MARCHF2: variants seen among roughly 807,000 people sequenced by gnomAD.
MARCHF2 encodes membrane associated ring-CH-type finger 2, also known as E3 ubiquitin-protein ligase MARCHF2.
MARCHF2 carries 22 observed loss-of-function variants against 24.0 expected under a neutral mutation model. The observed-to-expected ratio is 0.92, with a 90% CI of 0.66 to 1.31. MARCHF2 has a LOEUF of 1.31. Among genes scored for constraint, MARCHF2 ranks in the 50% most tolerant of loss-of-function variants. MARCHF2 has a pLI of 0.00. For synonymous variants in MARCHF2, 154 were observed against 153.0 expected (o/e 1.01, Z -0.05); for missense variants, 301 against 335.3 (o/e 0.90, Z 0.80).
At position 8,426,363 on chromosome 19, in the gene MARCHF2, T is replaced by A. The variant is rs950779259; in HGVS notation, c.177-246T>A. 2.0e-5 allele frequency among the ~76,000 whole-genome samples: 3 copies of A among 148,966 alleles called. No individual in the cohort carries two copies. In the East Asian group the frequency reaches 6.0e-4, roughly 30 times the overall value. On this transcript the variant is annotated intron_variant, in intron 2 of 4. Coordinates refer to ENST00000215555, the MANE Select transcript of MARCHF2 (RefSeq NM_001005415.2). Reference sequence around the variant, plus strand: ...GATGCCCATCTTGGGTCTGAGAGGGTGCTGCAGGGTCCCTGGGAAGGGAAC... The same window carrying A: ...GATGCCCATCTTGGGTCTGAGAGGGAGCTGCAGGGTCCCTGGGAAGGGAAC...
chr19:8,435,778 C>A (rs1274146715), intron 4 of MARCHF2, among the ~76,000 whole-genome samples: 5 of 151,298 alleles, frequency 3.3e-5, no homozygotes, highest in Non-Finnish European at 7.4e-5. Flanking sequence ...GGGCTCAAAC[C>A]TTGGCTTCCC....
intron 1 of MARCHF2, among the ~76,000 whole-genome samples, chr19:8,414,391 G>C (rs1318618169): frequency 6.6e-6 from 1 of 151,648 alleles, no homozygotes; most frequent in African/African-American, 2.4e-5. Flanking sequence ...CCTCACCCTG[G>C]TCAAGTAGTT....
chr19:8,434,694 C>A (rs1967667741), intron 4 of MARCHF2, among the ~76,000 whole-genome samples: 2 of 148,640 alleles, frequency 1.3e-5, no homozygotes, highest in South Asian at 4.3e-4. Flanking sequence ...AGGATGTGAA[C>A]CACTGACCTT....
chr19:8,435,626 C>A (rs972203987), intron 4 of MARCHF2, among the ~76,000 whole-genome samples: 1 of 152,044 alleles, frequency 6.6e-6, no homozygotes, highest in Non-Finnish European at 1.5e-5. Flanking sequence ...GCAACCTCTA[C>A]CTCCTGGGCT....
chr19:8,434,926 G>A (rs1056199679), intron 4 of MARCHF2, among the ~76,000 whole-genome samples: 1 of 151,796 alleles, frequency 6.6e-6, no homozygotes, highest in Non-Finnish European at 1.5e-5. Flanking sequence ...GGCTGGTCTC[G>A]AACTCCTGGA....
chr19:8,416,419 C>T (rs576198890), intron 1 of MARCHF2, among the ~76,000 whole-genome samples: 9 of 151,494 alleles, frequency 5.9e-5, no homozygotes, highest in Non-Finnish European at 1.0e-4. Context: ...GGGCCAGGTG[C>T]TGGGGACAGC....
At chr19:8,413,556 C>T (rs1190820783) in intron 1 of MARCHF2, 136 bp downstream of exon 1, 1 of 152,192 alleles carries the variant, frequency 6.6e-6, no homozygotes, top group Non-Finnish European at 1.5e-5. Context: ...GACGCGGGGA[C>T]CTCAGTTCCC....
At chr19:8,424,416 C>T (rs1479613995) in intron 2 of MARCHF2, among the ~76,000 whole-genome samples, 1 of 152,110 alleles carries the variant, frequency 6.6e-6, no homozygotes, top group Non-Finnish European at 1.5e-5. Context: ...GCCTGTAATC[C>T]CAGCACTTTG....
chr19:8,429,111 CT>C (rs1287115758), intron 3 of MARCHF2, among the ~76,000 whole-genome samples: 1 of 152,044 alleles, frequency 6.6e-6, no homozygotes, highest in Admixed American at 6.6e-5. Flanking sequence ...CCGCCTCCCC[CT>C]ATCCCAGGGC....
At chr19:8,434,966 A>C (rs1967674543) in intron 4 of MARCHF2, among the ~76,000 whole-genome samples, 1 of 152,022 alleles carries the variant, frequency 6.6e-6, no homozygotes, top group Non-Finnish European at 1.5e-5. Context: ...TTGGCCTTCC[A>C]AAATGCTGGG....
chr19:8,426,861 C>T (rs2145556166), intron 3 of MARCHF2, 57 bp downstream of exon 3: 2 of 1,527,908 alleles, frequency 1.3e-6, no homozygotes, highest in Non-Finnish European at 1.8e-6. Context: ...GACATGGGGG[C>T]CAAAGGCAGG....
intron 3 of MARCHF2, among the ~76,000 whole-genome samples, chr19:8,429,601 T>G (rs909885644): frequency 5.3e-5 from 8 of 151,212 alleles, no homozygotes; most frequent in Admixed American, 6.6e-5. Context: ...ACCTCCTGGG[T>G]TCAAGCAATT....
intron 1 of MARCHF2, among the ~76,000 whole-genome samples, chr19:8,414,254 A>G (rs1302011294): frequency 6.6e-6 from 1 of 151,690 alleles, no homozygotes; most frequent in Non-Finnish European, 1.5e-5. Context: ...TTTATGAACT[A>G]CATATCATTA....
rs548178213 is a variant in MARCHF2, at chr19:8,422,070, G to A, written c.176+54G>A. The A allele has an allele frequency of 4.1e-5, 63 of 1,532,428 alleles. No individual in the cohort carries two copies. In the African/African-American group the frequency reaches 6.5e-4, roughly 16 times the overall value. 94.9% of individuals were successfully genotyped at this position (1,532,428 alleles called of 1,614,324 possible). On this transcript the variant is annotated intron_variant, in intron 2 of 4. Coordinates refer to ENST00000215555, the MANE Select transcript of MARCHF2 (RefSeq NM_001005415.2). The stretch of plus-strand genomic sequence containing the variant: ...CCTTTGTTGCCTCTTCTCTCTGGGC[G>A]CAGTGAGTTTCTCCCAGCCTGGGGT...
intron 4 of MARCHF2, among the ~76,000 whole-genome samples, chr19:8,437,573 G>A (rs1045809064): frequency 1.6e-4 from 24 of 149,456 alleles, no homozygotes; most frequent in African/African-American, 5.4e-4. Flanking sequence ...GGATGGTCTC[G>A]ATCTCCTGAC....
Position 8,421,814 on chromosome 19 carries a change from C to T in MARCHF2, c.-27C>T. 4 of 1,585,634 alleles carry T rather than the reference C, an allele frequency of 2.5e-6. No individual in the cohort carries two copies. Among genetic ancestry groups the T allele is most frequent in the Non-Finnish European group, 3.4e-6 (4 of 1,165,278 alleles). On this transcript the variant is annotated 5_prime_UTR_variant, in exon 2 of 5. Transcript: ENST00000215555. ...GCTCCTGGAACCATGGGCCTCAGGC[C>T]CTGAGGATACGGGGCTCCCGGTGGC...
In MARCHF2 at chr19:8,421,125, G is replaced by GT. The variant is rs1244605480; in HGVS notation, c.-52-649dup. Reference sequence around the variant, plus strand: ...GGCCTAGCTTTCCTGTTTTTTTTGGGTTTTTTTTTTTTTTTGAGACAGAGT... The same window carrying GT: ...GGCCTAGCTTTCCTGTTTTTTTTGGGTTTTTTTTTTTTTTTTGAGACAGAGT... On this transcript the variant is annotated intron_variant, in intron 1 of 4. Transcript: ENST00000215555. 4.0e-3 allele frequency among the ~76,000 whole-genome samples: 564 copies of GT among 141,102 alleles called. 4 individuals are homozygous for GT. The highest frequency in any genetic ancestry group is 0.01 in the East Asian group (50 of 4,910). The allele number at this position is 141,102 out of a possible 152,430, so 92.6% of individuals were successfully genotyped here.
chr19:8,428,209 GAGA>G (rs1967464574), intron 3 of MARCHF2, among the ~76,000 whole-genome samples: 1 of 151,950 alleles, frequency 6.6e-6, no homozygotes, highest in African/African-American at 2.4e-5. Flanking sequence ...GCAGTGAGCT[GAGA>G]TCAGGCCACT....
intron 2 of MARCHF2, chr19:8,423,747 C>G (rs1296200682): frequency 6.6e-6 from 1 of 152,056 alleles, no homozygotes; most frequent in Non-Finnish European, 1.5e-5. Context: ...TGCCTGTAGT[C>G]CCAGCACTTT....
Sources: allele counts gnomAD v4.1 joint callset (sites outside exome capture counted in the v4.1 genomes callset), GRCh38; gene constraint gnomAD v4.1.1; transcripts MANE v1.5; gene names NCBI Gene and HGNC (gene_info 2026-07-23, HGNC 2026-07-21).